The following NFIB variants were observed in gnomAD, a reference collection of about 807,000 sequenced individuals.
NFIB encodes the protein nuclear factor 1 B-type.
A neutral mutation model predicts 61.5 loss-of-function variants in NFIB; 11 were observed. That is an observed-to-expected ratio of 0.18 (90% CI 0.11 to 0.30). The LOEUF (loss-of-function observed/expected upper bound fraction) is 0.30, where lower values mean the gene tolerates loss of function less well. NFIB is among the 10% of genes least tolerant of loss of function. The pLI is 1.00. For missense variants in NFIB, 471 were observed against 608.9 expected (o/e 0.77, Z 2.38); for synonymous variants, 260 against 216.5 (o/e 1.20, Z -1.76).
intron 1 of NFIB, among the ~76,000 whole-genome samples, chr9:14,356,856 C>T (rs1260566530): frequency 6.6e-6 from 1 of 152,066 alleles, no homozygotes; most frequent in African/African-American, 2.4e-5. Context: ...TGTCAGTCAC[C>T]GGTGAGTGGT....
At chr9:14,259,075 A>T (rs2056498773) in intron 2 of NFIB, among the ~76,000 whole-genome samples, 2 of 152,226 alleles carry the variant, frequency 1.3e-5, no homozygotes, top group Admixed American at 6.5e-5. Flanking sequence ...CTGAATCATA[A>T]GCACATAAGG....
intron 3 of NFIB, among the ~76,000 whole-genome samples, chr9:14,169,254 C>G (rs1018090583): frequency 1.3e-5 from 2 of 152,062 alleles, no homozygotes; most frequent in African/African-American, 4.8e-5. Context: ...ATCTGAAAGT[C>G]AAGTGGTTTT....
chr9:14,084,911 A>G lies in NFIB; in HGVS notation c.*3398T>C, dbSNP rs1436543842. Reference sequence around the variant, plus strand: ...CTTGAACTAGGCCTTTGTATTCAAGAGGCAGGCAGGAATACCCACAGTGTG... The same window carrying G: ...CTTGAACTAGGCCTTTGTATTCAAGGGGCAGGCAGGAATACCCACAGTGTG... On this transcript the variant is annotated 3_prime_UTR_variant, in exon 11 of 11. Transcript: ENST00000380953. 2 of 230,754 alleles carry G rather than the reference A, an allele frequency of 8.7e-6. No homozygotes were observed. Among genetic ancestry groups the G allele is most frequent in the Non-Finnish European group, 1.7e-5 (2 of 116,338 alleles). The allele number at this position is 230,754 out of a possible 1,614,324, so 14.3% of individuals were successfully genotyped here. A position where few individuals can be genotyped will look rare whatever the true frequency, so the allele number is the denominator to read the frequency against.
At chr9:14,416,673 C>T in the NFIB span, among the ~76,000 whole-genome samples, 4 of 151,930 alleles carry the variant, frequency 2.6e-5, no homozygotes, top group African/African-American at 7.2e-5. Context: ...AAAAATGTTA[C>T]AAGTAAGCTA....
upstream of NFIB, among the ~76,000 whole-genome samples, chr9:14,315,436 G>A (rs1041213616): frequency 3.3e-5 from 5 of 149,564 alleles, no homozygotes; most frequent in Admixed American, 2.0e-4. Context: ...CAGCCCCGCT[G>A]GCTGGCTCCC....
intron 2 of NFIB, among the ~76,000 whole-genome samples, chr9:14,246,919 A>T (rs961249981): frequency 6.6e-6 from 1 of 152,332 alleles, no homozygotes; most frequent in Non-Finnish European, 1.5e-5. Flanking sequence ...AAGGCCTGTT[A>T]AAACGGGTTT....
chr9:14,208,197 C>G (rs903205193), intron 2 of NFIB, among the ~76,000 whole-genome samples: 1 of 152,002 alleles, frequency 6.6e-6, no homozygotes, highest in African/African-American at 2.4e-5. Context: ...AAACTCCAGA[C>G]AGGTTCTAAT....
chr9:14,172,986 T>C (rs1563862675), intron 3 of NFIB, among the ~76,000 whole-genome samples: 1 of 152,168 alleles, frequency 6.6e-6, no homozygotes. Context: ...GCCAGGCTGG[T>C]CTCAAACTCC....
At position 14,171,304 on chromosome 9, in the gene NFIB, A is replaced by G. The variant is rs549203787; in HGVS notation, c.616+8423T>C. Among the ~76,000 whole-genome samples the G allele has an allele frequency of 2.0e-4, 31 of 152,268 alleles. 1 individual carries two copies. In the South Asian group the frequency reaches 5.6e-3, roughly 27 times the overall value. ...AAATGCTCTTTCCTCGGCTAGGACT[A>G]TATCCACCCTACAACCTCTTGTTCA... On this transcript the variant is annotated intron_variant, in intron 3 of 10. Coordinates refer to ENST00000380953, the MANE Select transcript of NFIB (RefSeq NM_001190737.2).
In NFIB at chr9:14,360,774, GA is replaced by G. The variant is rs562354730; in HGVS notation, c.108+37749del. On this transcript the variant is annotated intron_variant, in intron 1 of 8. Coordinates refer to the NFIB transcript ENST00000380934. ...TTAGCCAGAATGGTCTCGATCTCCT[GA>G]CCTCGTCATCCGCCCGCCTGGGCCT... Among the ~76,000 whole-genome samples, 53 of 152,128 alleles carry G rather than the reference GA, an allele frequency of 3.5e-4. No homozygotes were observed. In the South Asian group the frequency reaches 0.011, roughly 31 times the overall value.
intron 1 of NFIB, among the ~76,000 whole-genome samples, chr9:14,381,629 G>A (rs1035509916): frequency 6.6e-6 from 1 of 152,338 alleles, no homozygotes; most frequent in South Asian, 2.1e-4. Flanking sequence ...TTGTGACTAA[G>A]AGCAAGTGTG....
chr9:14,419,676 T>A, the NFIB span, among the ~76,000 whole-genome samples: 2 of 152,166 alleles, frequency 1.3e-5, no homozygotes, highest in Non-Finnish European at 2.9e-5. Flanking sequence ...CTCCCACCCC[T>A]TCCTCCCTGT....
chr9:14,432,172 C>G, the NFIB span, among the ~76,000 whole-genome samples: 2 of 152,188 alleles, frequency 1.3e-5, no homozygotes, highest in Non-Finnish European at 2.9e-5. Context: ...AGATCCTTCC[C>G]TAGTATTTTT....
At chr9:14,168,546 T>C (rs139504063) in intron 3 of NFIB, among the ~76,000 whole-genome samples, 1 of 152,306 alleles carries the variant, frequency 6.6e-6, no homozygotes, top group Non-Finnish European at 1.5e-5. Context: ...TGAAGGGTCA[T>C]ATTGTATGTC....
intron 10 of NFIB, among the ~76,000 whole-genome samples, chr9:14,099,603 T>C (rs1276321957): frequency 6.6e-6 from 1 of 152,260 alleles, no homozygotes; most frequent in Non-Finnish European, 1.5e-5. Flanking sequence ...GTCATTTGAA[T>C]TTATTTATTC....
chr9:14,344,432 T>G (rs1644904062), intron 1 of NFIB, among the ~76,000 whole-genome samples: 1 of 151,826 alleles, frequency 6.6e-6, no homozygotes, highest in Admixed American at 6.6e-5. Flanking sequence ...GAGGGAGTTG[T>G]TTGTTTGTTT....
chr9:14,397,837 G>A (rs2061702558), intron 1 of NFIB, among the ~76,000 whole-genome samples: 1 of 152,178 alleles, frequency 6.6e-6, no homozygotes, highest in African/African-American at 2.4e-5. Context: ...AAGATATAAT[G>A]GGTACGTGCT....
At chr9:14,281,875 T>C (rs143321893) in intron 2 of NFIB, among the ~76,000 whole-genome samples, 1 of 152,074 alleles carries the variant, frequency 6.6e-6, no homozygotes, top group African/African-American at 2.4e-5. Flanking sequence ...ATTAATTCAG[T>C]GAACATAAGA....
chr9:14,263,248 A>G (rs2056937194), intron 2 of NFIB, among the ~76,000 whole-genome samples: 1 of 150,300 alleles, frequency 6.7e-6, no homozygotes, highest in East Asian at 2.0e-4. Flanking sequence ...TTAAAGGTGG[A>G]TGTTTCAATG....
Sources: gnomAD v4.1 joint callset for allele counts (sites outside exome capture counted in the v4.1 genomes callset) on GRCh38, gnomAD v4.1.1 for gene constraint, MANE v1.5 for transcripts, NCBI Gene and HGNC (gene_info 2026-07-23, HGNC 2026-07-21) for gene names.